Variants in COX11 observed in about 807,000 individuals in gnomAD.
The protein encoded by COX11 is cytochrome c oxidase copper chaperone COX11.
A neutral mutation model predicts 29.4 loss-of-function variants in COX11; 18 were observed. That is an observed-to-expected ratio of 0.61 (90% CI 0.42 to 0.91). The LOEUF is 0.91. COX11 is among the 40% of genes least tolerant of loss of function. The probability of loss-of-function intolerance (pLI) is 0.00; values close to 1 mark genes in which losing one functional copy is unlikely to be tolerated. For synonymous variants in COX11, 131 were observed against 124.0 expected, an observed-to-expected ratio of 1.06 and a Z score of -0.38; for missense variants, 312 against 346.0, an observed-to-expected ratio of 0.90 and a Z score of 0.78.
downstream of COX11, among the ~76,000 whole-genome samples, chr17:54,959,818 T>C (rs1242901509): frequency 6.6e-6 from 1 of 152,050 alleles, no homozygotes; most frequent in East Asian, 1.9e-4. Flanking sequence ...TATTTTGCCA[T>C]GTTGTTCATA....
chr17:54,953,272 G>A (rs557333791), exon 1 of COX11: 2 of 152,656 alleles, frequency 1.3e-5, no homozygotes, highest in African/African-American at 4.8e-5. Flanking sequence ...GAGAGGCTAA[G>A]GTGGGAGGAC....
At chr17:54,965,216 T>C (rs182563733) in intron 1 of COX11, among the ~76,000 whole-genome samples, 72 of 152,356 alleles carry the variant, frequency 4.7e-4, no homozygotes, top group South Asian at 3.7e-3. Flanking sequence ...ATTTCATTAA[T>C]AGAAATAAAA....
chr17:54,960,465 C>T lies in COX11; in HGVS notation c.*2268G>A. On this transcript the variant is annotated 3_prime_UTR_variant, in exon 4 of 4. Transcript: ENST00000299335. ...TTTTACTCATATGTAGCCTGAACTCCAAAACCAGCTCAATTTTTAATTACA... is the reference window on the plus strand; with the variant it reads ...TTTTACTCATATGTAGCCTGAACTCTAAAACCAGCTCAATTTTTAATTACA... The T allele has an allele frequency of 1.2e-6, 1 of 851,806 alleles. No homozygotes were observed. The highest frequency in any genetic ancestry group is 2.0e-6 in the Non-Finnish European group (1 of 496,472). The allele number at this position is 851,806 out of a possible 1,614,324, so 52.8% of individuals were successfully genotyped here. A position where few individuals can be genotyped will look rare whatever the true frequency, so the allele number is the denominator to read the frequency against.
At position 54,968,560 on chromosome 17, in the gene COX11, T is replaced by C. The variant is rs771742342; in HGVS notation, c.87A>G (p.Ala29=). The C allele has an allele frequency of 5.0e-6, 8 of 1,613,084 alleles. No homozygotes were observed. The highest frequency in any genetic ancestry group is 1.3e-5 in the African/African-American group (1 of 75,034). The change falls in exon 1 of 4, where the codon GCA becomes GCG. Residue 29 remains alanine, a synonymous_variant. Transcript: ENST00000299335. Reference sequence around the variant, plus strand: ...GCCTAAGAAACGGCTCTACCCTCTCTGCAGCCCTGGTTGGAGACCCAGGGT... The same window carrying C: ...GCCTAAGAAACGGCTCTACCCTCTCCGCAGCCCTGGTTGGAGACCCAGGGT... ...WIHPGSPTRA[A]ERVEPFLRPE...
Position 54,965,612 on chromosome 17 carries a change from A to G in COX11, c.367-760T>C, listed in dbSNP as rs537497130. Among the ~76,000 whole-genome samples, 4 of 152,270 alleles carry G rather than the reference A, an allele frequency of 2.6e-5. No homozygotes were observed. The South Asian group carries it at 8.3e-4, about 32-fold the overall frequency. ...GGGAAGCCACGGGGGGCGGATCATG[A>G]GGTCAGGAGATGGAGACCATCCTGG... On this transcript the variant is annotated intron_variant, in intron 1 of 3. Coordinates refer to ENST00000299335, the MANE Select transcript of COX11 (RefSeq NM_004375.5).
chr17:54,968,128 TTAAG>T (rs1347641328), intron 1 of COX11, among the ~76,000 whole-genome samples, 149 bp downstream of exon 1: 1 of 151,660 alleles, frequency 6.6e-6, no homozygotes, highest in Non-Finnish European at 1.5e-5. Context: ...ACTTTGGGTG[TTAAG>T]TGACTGTTTT....
At position 54,961,161 on chromosome 17, in the gene COX11, A is replaced by G. The variant is rs2077113232; in HGVS notation, c.*1572T>C. 3 of 1,044,178 alleles carry G rather than the reference A, an allele frequency of 2.9e-6. No homozygotes were observed. Among genetic ancestry groups the G allele is most frequent in the East Asian group, 2.6e-5 (1 of 38,680 alleles). The allele number at this position is 1,044,178 out of a possible 1,614,324, so 64.7% of individuals were successfully genotyped here. The stretch of plus-strand genomic sequence containing the variant: ...GTGACTCTCCAGCTTCCCAGTAAAG[A>G]CAAGAGAGTTATCAAGGAATGGGGA... On this transcript the variant is annotated 3_prime_UTR_variant, in exon 4 of 4. Transcript: ENST00000299335.
At chr17:54,967,114 T>TA (rs11406283) in intron 1 of COX11, among the ~76,000 whole-genome samples, 31,654 of 151,758 alleles carry the variant, frequency 0.21, 3,880 homozygotes, top group Non-Finnish European at 0.27. Flanking sequence ...GTCATGGTGT[T>TA]AAAAAAACAA....
rs924071719 is a variant in COX11 at position 54,962,405 on chromosome 17, A to G, written c.*328T>C. On this transcript the variant is annotated 3_prime_UTR_variant, in exon 4 of 4. Coordinates refer to ENST00000299335, the MANE Select transcript of COX11 (RefSeq NM_004375.5). ...CATTGTCAGATTCATTGCTGTAAGT[A>G]TGAAGAGTTAATAATCTGGAAGGGA... The G allele has an allele frequency of 2.0e-6, 2 of 1,005,950 alleles. No homozygotes were observed. The highest frequency in any genetic ancestry group is 3.5e-5 in the African/African-American group (2 of 57,682). The allele number at this position is 1,005,950 out of a possible 1,614,324, so 62.3% of individuals were successfully genotyped here.
In COX11 at chr17:54,961,397, G is replaced by GATA. The variant is rs2077121753; in HGVS notation, c.*1333_*1335dup. On this transcript the variant is annotated 3_prime_UTR_variant, in exon 4 of 4. Coordinates refer to ENST00000299335, the MANE Select transcript of COX11 (RefSeq NM_004375.5). ...AGATTAAATAGAATAACAGTTCCAG[G>GATA]ATAACACTGATTCCTGACAACAGCG... is the stretch of plus-strand genomic sequence containing the variant. 1 of 1,541,912 alleles carries GATA rather than the reference G, an allele frequency of 6.5e-7. No individual in the cohort carries two copies. The highest frequency in any genetic ancestry group is 8.8e-7 in the Non-Finnish European group (1 of 1,142,574).
Position 54,961,194 on chromosome 17 carries a change from G to C in COX11, c.*1539C>G, listed in dbSNP as rs763023713. On this transcript the variant is annotated 3_prime_UTR_variant, in exon 4 of 4. Coordinates refer to ENST00000299335, the MANE Select transcript of COX11 (RefSeq NM_004375.5). ...GTTATCAAGGAATGGGGAAAGAGAA[G>C]GACAGGATGAATACTGGCCATTTTC... 3 of 1,294,892 alleles carry C rather than the reference G, an allele frequency of 2.3e-6. No individual in the cohort carries two copies. Among genetic ancestry groups the C allele is most frequent in the Non-Finnish European group, 3.3e-6 (3 of 913,004 alleles). The allele number at this position is 1,294,892 out of a possible 1,614,324, so 80.2% of individuals were successfully genotyped here.
chr17:54,962,364 A>G lies in COX11; in HGVS notation c.*369T>C. 3 of 994,174 alleles carry G rather than the reference A, an allele frequency of 3.0e-6. No individual in the cohort carries two copies. Among genetic ancestry groups the G allele is most frequent in the Non-Finnish European group, 3.6e-6 (3 of 836,354 alleles). 61.6% of individuals were successfully genotyped at this position (994,174 alleles called of 1,614,324 possible). A position where few individuals can be genotyped will look rare whatever the true frequency, so the allele number is the denominator to read the frequency against. ...TGACTTGAAACAAATAACCCTGAGCATACATTTTTGAAAAACATTGTCAGA... is the reference window on the plus strand; with the variant it reads ...TGACTTGAAACAAATAACCCTGAGCGTACATTTTTGAAAAACATTGTCAGA... On this transcript the variant is annotated 3_prime_UTR_variant, in exon 4 of 4. Transcript: ENST00000299335.
At chr17:54,967,158 A>C (rs565071166) in intron 1 of COX11, among the ~76,000 whole-genome samples, 5 of 152,308 alleles carry the variant, frequency 3.3e-5, no homozygotes, top group Non-Finnish European at 5.9e-5. Context: ...GAATCACCTA[A>C]AACATACTTG....
rs1206923504 is a variant in COX11 at position 54,961,447 on chromosome 17, G to T, written c.*1286C>A. On this transcript the variant is annotated 3_prime_UTR_variant, in exon 4 of 4. Coordinates refer to ENST00000299335, the MANE Select transcript of COX11 (RefSeq NM_004375.5). ...GTGAGATTTCAACAGAACTTGTTTGGAACAAATACTCACTTAAAACTTCAG... is the reference window on the plus strand; with the variant it reads ...GTGAGATTTCAACAGAACTTGTTTGTAACAAATACTCACTTAAAACTTCAG... 5 of 1,485,164 alleles carry T rather than the reference G, an allele frequency of 3.4e-6. No homozygotes were observed. In the African/African-American group the frequency reaches 7.1e-5, roughly 21 times the overall value. The allele number at this position is 1,485,164 out of a possible 1,614,324, so 92.0% of individuals were successfully genotyped here.
chr17:54,957,319 T>C (rs1390064078), downstream of COX11: 1 of 152,254 alleles, frequency 6.6e-6, no homozygotes, highest in African/African-American at 2.4e-5. Context: ...GTTTGAGAAA[T>C]TTCTCTAAGT....
In COX11 at chr17:54,964,738, T is replaced by C; in HGVS notation, c.481A>G (p.Ser161Gly). Reference protein sequence around the residue: ...KISFNADVHASLQWNFRPQQT... With the variant: ...KISFNADVHAGLQWNFRPQQT... ...TGAGGTCTAAAGTTCCACTGGAGAC[T>C]TGCATGCACATCTGCATTAAAGCTA... Residue 161 changes from serine to glycine, a missense_variant, in exon 2 of 4, where the codon AGT becomes GGT. Ser to Gly is a moderately conservative substitution (Grantham distance 56, BLOSUM62 0). Coordinates refer to ENST00000299335, the MANE Select transcript of COX11 (RefSeq NM_004375.5). The C allele has an allele frequency of 6.2e-7, 1 of 1,614,064 alleles. No homozygotes were observed. The highest frequency in any genetic ancestry group is 1.3e-5 in the African/African-American group (1 of 75,062).
In COX11 at chr17:54,962,358, C is replaced by G. The variant is rs1259166129; in HGVS notation, c.*375G>C. ...GGCCTATGACTTGAAACAAATAACC[C>G]TGAGCATACATTTTTGAAAAACATT... is the stretch of plus-strand genomic sequence containing the variant. On this transcript the variant is annotated 3_prime_UTR_variant, in exon 4 of 4. Coordinates refer to ENST00000299335, the MANE Select transcript of COX11 (RefSeq NM_004375.5). 3.0e-6 allele frequency: 3 copies of G among 993,470 alleles called. No homozygotes were observed. Among genetic ancestry groups the G allele is most frequent in the African/African-American group, 1.7e-5 (1 of 57,304 alleles). 61.5% of individuals were successfully genotyped at this position (993,470 alleles called of 1,614,324 possible).
intron 1 of COX11, among the ~76,000 whole-genome samples, chr17:54,967,994 A>AC (rs1459866712): frequency 1.4e-4 from 5 of 36,138 alleles, no homozygotes; most frequent in South Asian, 1.5e-3. Flanking sequence ...GAGGCTGCGG[A>AC]CCTTTTTTTT....
chr17:54,959,852 A>G (rs1278535743), downstream of COX11, among the ~76,000 whole-genome samples: 1 of 152,106 alleles, frequency 6.6e-6, no homozygotes, highest in African/African-American at 2.4e-5. Flanking sequence ...CCTGGACTCA[A>G]GCGATCCACC....
Sources: allele counts gnomAD v4.1 joint callset (sites outside exome capture counted in the v4.1 genomes callset), GRCh38; gene constraint gnomAD v4.1.1; transcripts MANE v1.5; gene names NCBI Gene and HGNC (gene_info 2026-07-23, HGNC 2026-07-21).